ADGRG2: variants seen among roughly 807,000 people sequenced by gnomAD.
ADGRG2 encodes the protein adhesion G protein-coupled receptor G2.
ADGRG2 carries 26 observed loss-of-function variants against 74.1 expected under a neutral mutation model. The observed-to-expected ratio is 0.35, with a 90% CI of 0.26 to 0.49. The LOEUF is 0.49. Ranked by LOEUF, ADGRG2 falls within the 20% of genes least tolerant of loss-of-function variation. The pLI is 0.99. For synonymous variants in ADGRG2, 296 were observed against 295.2 expected, an observed-to-expected ratio of 1.00 and a Z score of -0.03; for missense variants, 619 against 763.1, an observed-to-expected ratio of 0.81 and a Z score of 2.22.
At chrX:19,029,853 GAGA>G (rs1223010677) in intron 9 of ADGRG2, among the ~76,000 whole-genome samples, 1 of 111,207 alleles carries the variant, frequency 9.0e-6, no homozygotes, top group Non-Finnish European at 1.9e-5. Context: ...AGAGGAGGGA[GAGA>G]AGGAGGAGGA....
chrX:19,067,022 G>A (rs752288482), intron 3 of ADGRG2, among the ~76,000 whole-genome samples: 8 of 111,821 alleles, frequency 7.2e-5, no homozygotes, highest in African/African-American at 2.6e-4. Flanking sequence ...TCACTTTGAG[G>A]CAGGAAAATA....
At chrX:19,122,676 G>T, upstream of ADGRG2, 1 of 112,215 alleles carries the variant, frequency 8.9e-6, no homozygotes, top group South Asian at 3.1e-4. Flanking sequence ...GGAGGAGGGG[G>T]AGCGGGCAGC....
chrX:19,053,453 C>T (rs1225805908), intron 3 of ADGRG2, among the ~76,000 whole-genome samples: 1 of 111,497 alleles, frequency 9.0e-6, no homozygotes, highest in Non-Finnish European at 1.9e-5. Flanking sequence ...TGACCCTGTC[C>T]TGCACCCCTA....
At chrX:19,038,608 A>G (rs2060991545) in intron 4 of ADGRG2, among the ~76,000 whole-genome samples, 1 of 112,219 alleles carries the variant, frequency 8.9e-6, no homozygotes, top group Admixed American at 9.4e-5. Context: ...ACTAGTTTTT[A>G]AGGAATGACT....
chrX:19,101,384 A>G (rs1402909016), intron 1 of ADGRG2, among the ~76,000 whole-genome samples: 1 of 111,682 alleles, frequency 9.0e-6, no homozygotes, highest in Non-Finnish European at 1.9e-5. Flanking sequence ...ACATATTCCT[A>G]TGTAGGAAAA....
intron 6 of ADGRG2, among the ~76,000 whole-genome samples, chrX:19,037,216 G>T (rs2060960094): frequency 1.8e-5 from 2 of 111,919 alleles, no homozygotes; most frequent in African/African-American, 6.5e-5. Context: ...AAATGTGATC[G>T]ATATTTCTTT....
Position 19,013,737 on chromosome X carries a change from C to T in ADGRG2, c.1048G>A (p.Val350Met), listed in dbSNP as rs370180158. The T allele has an allele frequency of 1.4e-5, 17 of 1,199,597 alleles. 1 individual carries two copies. Among genetic ancestry groups the T allele is most frequent in the South Asian group, 7.3e-5 (4 of 54,660 alleles). ...GTGTTGACATTCGCAGGGGCAGACA[C>T]GGTGGGAGAGGAAAATGAGGCTTTC... ...PVKASFSSPT[V>M]SAPANVNTTS... The change falls in exon 16 of 29, where the codon GTG (valine) becomes ATG (methionine). Residue 350 changes from valine (V) to methionine (M), a missense_variant. By Grantham distance (21) the Val-to-Met change is conservative. This residue lies in a region of ADGRG2 where 292 missense variants were observed against 318.0 expected (regional missense o/e 0.92). Transcript: ENST00000379869.
At position 19,097,963 on chromosome X, in the gene ADGRG2, A is replaced by G. The variant is rs867789869; in HGVS notation, c.-46-15217T>C. 9.8e-4 allele frequency among the ~76,000 whole-genome samples: 111 copies of G among 112,953 alleles called. 1 individual carries two copies. The highest frequency in any genetic ancestry group is 3.3e-3 in the African/African-American group (104 of 31,174). On this transcript the variant is annotated intron_variant, in intron 1 of 28. Transcript: ENST00000379869. ...TTAAAGAGAGCTATAAAGCAAACAC[A>G]TAAGAAGATGAATTATATCAATGAT...
rs1177753107 is a variant in ADGRG2, at chrX:19,037,449, C to T, written c.226+18G>A. On this transcript the variant is annotated intron_variant, in intron 6 of 28. Transcript: ENST00000379869. ...ATTAAGGGTTATCAATTTTCACTTGCTTCAGAAAAATTCTTACCATTGAGG... is the reference window on the plus strand; with the variant it reads ...ATTAAGGGTTATCAATTTTCACTTGTTTCAGAAAAATTCTTACCATTGAGG... 8.8e-7 allele frequency: 1 copy of T among 1,136,318 alleles called. No homozygotes were observed. Among genetic ancestry groups the T allele is most frequent in the Admixed American group, 2.3e-5 (1 of 44,163 alleles). The allele number at this position is 1,136,318 out of a possible 1,213,427, so 93.6% of individuals were successfully genotyped here.
At chrX:19,113,100 C>A (rs886688300) in intron 1 of ADGRG2, among the ~76,000 whole-genome samples, 1 of 108,153 alleles carries the variant, frequency 9.2e-6, no homozygotes, top group Non-Finnish European at 1.9e-5. Flanking sequence ...CTAAACCTGC[C>A]GGTGCGGTGG....
intron 1 of ADGRG2, among the ~76,000 whole-genome samples, chrX:19,090,086 G>C (rs941273402): frequency 9.0e-6 from 1 of 111,149 alleles, no homozygotes; most frequent in Non-Finnish European, 1.9e-5. Flanking sequence ...TGTATAAAAT[G>C]CTGGCCTGGG....
chrX:19,112,883 G>A (rs1477217919), intron 1 of ADGRG2, among the ~76,000 whole-genome samples: 10 of 106,040 alleles, frequency 9.4e-5, no homozygotes, highest in East Asian at 3.0e-4. Context: ...GCTTGAACCC[G>A]GGAGATGGAG....
chrX:19,046,285 C>T (rs1034997842), intron 3 of ADGRG2, among the ~76,000 whole-genome samples: 12 of 112,370 alleles, frequency 1.1e-4, no homozygotes, highest in African/African-American at 3.5e-4. Flanking sequence ...CCCTTTATGT[C>T]GGCTCCCTGG....
intron 16 of ADGRG2, 103 bp downstream of exon 16, chrX:19,013,583 A>C: frequency 1.4e-6 from 1 of 715,495 alleles, no homozygotes. Flanking sequence ...TCCCGAAAGG[A>C]AAGCTCTAGA....
intron 1 of ADGRG2, among the ~76,000 whole-genome samples, chrX:19,100,170 A>G (rs1399395130): frequency 8.9e-6 from 1 of 112,586 alleles, no homozygotes; most frequent in Admixed American, 9.4e-5. Context: ...CTACTTCAAC[A>G]CTCAGATGAC....
At chrX:19,076,407 G>T (rs2061748245) in intron 2 of ADGRG2, among the ~76,000 whole-genome samples, 1 of 111,565 alleles carries the variant, frequency 9.0e-6, no homozygotes, top group Admixed American at 9.5e-5. Flanking sequence ...CAAGTCACAG[G>T]CCAGAGGCCC....
At chrX:19,020,048 A>C (rs1037967162) in intron 14 of ADGRG2, among the ~76,000 whole-genome samples, 1 of 111,608 alleles carries the variant, frequency 9.0e-6, no homozygotes, top group Non-Finnish European at 1.9e-5. Context: ...ATAGAAACAG[A>C]GAGTGAAATG....
chrX:19,090,022 C>A (rs192632707), intron 1 of ADGRG2, among the ~76,000 whole-genome samples: 193 of 112,003 alleles, frequency 1.7e-3, no homozygotes, highest in African/African-American at 5.3e-3. Context: ...ATCTTCCTTT[C>A]TTCTTTTCCT....
At chrX:19,078,189 G>A (rs2061783962) in intron 2 of ADGRG2, among the ~76,000 whole-genome samples, 1 of 112,255 alleles carries the variant, frequency 8.9e-6, no homozygotes, top group African/African-American at 3.2e-5. Context: ...CAATTAAGGT[G>A]TAATAACAAA....
Sources: allele counts gnomAD v4.1 joint callset (sites outside exome capture counted in the v4.1 genomes callset), GRCh38; gene constraint gnomAD v4.1.1; regional missense constraint gnomAD v4.1.1; transcripts MANE v1.5; gene names NCBI Gene and HGNC (gene_info 2026-07-23, HGNC 2026-07-21).